GALNT9: variants seen among roughly 807,000 people sequenced by gnomAD.
The protein encoded by GALNT9 is polypeptide N-acetylgalactosaminyltransferase 9.
Under a neutral mutation model 63.1 loss-of-function variants are expected in GALNT9, and 47 were observed. That is an observed-to-expected ratio of 0.75 (90% CI 0.59 to 0.95). The LOEUF (loss-of-function observed/expected upper bound fraction) is 0.95. GALNT9 is among the 40% of genes least tolerant of loss of function. The pLI, the probability that GALNT9 is intolerant of heterozygous loss-of-function variation, is 0.00. For synonymous variants in GALNT9, 396 were observed against 365.7 expected, an observed-to-expected ratio of 1.08 and a Z score of -0.94; for missense variants, 829 against 874.8, an observed-to-expected ratio of 0.95 and a Z score of 0.66.
chr12:132,203,818 C>T (rs922675620), intron 6 of GALNT9, 128 bp from the exon 7 acceptor site: 9 of 952,698 alleles, frequency 9.4e-6, no homozygotes, highest in Non-Finnish European at 1.4e-5. Flanking sequence ...CACCGACGGG[C>T]CTGGTGGGTC....
At chr12:132,229,262 G>A (rs1362833211) in intron 6 of GALNT9, among the ~76,000 whole-genome samples, 1 of 152,208 alleles carries the variant, frequency 6.6e-6, no homozygotes, top group Non-Finnish European at 1.5e-5. Flanking sequence ...CACCGCAGGT[G>A]GAGCCCACGC....
intron 6 of GALNT9, chr12:132,247,419 C>G (rs907314472): frequency 1.1e-5 from 4 of 352,806 alleles, no homozygotes; most frequent in Non-Finnish European, 2.3e-5. Context: ...TCTAGCAAGA[C>G]TCAGGGTAGC....
In GALNT9 at chr12:132,252,088, G is replaced by A. The variant is rs1410207163; in HGVS notation, c.960-4061C>T. ...CCCAGCGTCTGTCTGGGAGAAAGGA[G>A]CAGGGGAGCAGGAAGAGGACTAGAA... On this transcript the variant is annotated intron_variant, in intron 5 of 10. Transcript: ENST00000328957. The surrounding 1 kb of genome is among the most constrained non-coding windows in gnomAD (Gnocchi z 5.2). 6.6e-6 allele frequency among the ~76,000 whole-genome samples: 1 copy of A among 152,234 alleles called. No individual in the cohort carries two copies. Among genetic ancestry groups the A allele is most frequent in the Non-Finnish European group, 1.5e-5 (1 of 68,042 alleles).
intron 5 of GALNT9, 78 bp from the exon 6 acceptor site, chr12:132,248,105 G>T (rs1555238257): frequency 9.4e-6 from 14 of 1,487,844 alleles, no homozygotes; most frequent in African/African-American, 1.4e-5. Flanking sequence ...AGCCAGGAAA[G>T]CCTGGAAGAC....
intron 1 of GALNT9, among the ~76,000 whole-genome samples, chr12:132,301,328 T>G (rs1881288368): frequency 1.3e-5 from 2 of 152,246 alleles, no homozygotes; most frequent in African/African-American, 4.8e-5. Flanking sequence ...TGACAGTGCC[T>G]GCCTGGCCTT....
chr12:132,281,500 A>C (rs1378897657), intron 2 of GALNT9, among the ~76,000 whole-genome samples: 4 of 152,174 alleles, frequency 2.6e-5, no homozygotes, highest in Admixed American at 2.6e-4. Context: ...ATCTATATAA[A>C]ATTCACATTC....
At position 132,308,120 on chromosome 12, in the gene GALNT9, G is replaced by A. The variant is rs189209213; in HGVS notation, c.238+20846C>T. 1.7e-4 allele frequency among the ~76,000 whole-genome samples: 26 copies of A among 152,292 alleles called. 1 individual carries two copies. The highest frequency in any genetic ancestry group is 3.9e-4 in the Admixed American group (6 of 15,296). ...CACAGACAGAAGAGGAAACAGCTGC[G>A]TGTGACGGAGGCAGAGGGTGCAGCA... On this transcript the variant is annotated intron_variant, in intron 1 of 10. Transcript: ENST00000328957.
At chr12:132,254,946 T>C (rs1287587030) in intron 5 of GALNT9, among the ~76,000 whole-genome samples, 3 of 152,186 alleles carry the variant, frequency 2.0e-5, no homozygotes, top group African/African-American at 7.2e-5. Flanking sequence ...CTTCAGTTCA[T>C]CATGACTGAG....
At chr12:132,224,940 C>T (rs1183951586) in intron 6 of GALNT9, among the ~76,000 whole-genome samples, 1 of 149,630 alleles carries the variant, frequency 6.7e-6, no homozygotes, top group African/African-American at 2.5e-5. Flanking sequence ...AAACACAACC[C>T]ACACCCCACA....
intron 1 of GALNT9, among the ~76,000 whole-genome samples, chr12:132,313,963 C>A (rs1555245483): frequency 1.7e-5 from 2 of 120,400 alleles, no homozygotes; most frequent in African/African-American, 3.2e-5. Flanking sequence ...TCCATCCACC[C>A]ATCCATCCAC....
intron 6 of GALNT9, among the ~76,000 whole-genome samples, chr12:132,229,611 G>C (rs1877820988): frequency 6.6e-6 from 1 of 152,246 alleles, no homozygotes; most frequent in Non-Finnish European, 1.5e-5. Context: ...GGCTGGGAGA[G>C]AGGCCGCCTG....
intron 1 of GALNT9, among the ~76,000 whole-genome samples, chr12:132,326,500 A>G (rs1389944220): frequency 6.6e-6 from 1 of 152,188 alleles, no homozygotes; most frequent in Admixed American, 6.5e-5. Flanking sequence ...CCACTGGACC[A>G]GCGGAGGCAG....
At position 132,286,622 on chromosome 12, in the gene GALNT9, G is replaced by C. The variant is rs181333759; in HGVS notation, c.239-192C>G. Among the ~76,000 whole-genome samples, 1 of 152,220 alleles carries C rather than the reference G, an allele frequency of 6.6e-6. No individual in the cohort carries two copies. Among genetic ancestry groups the C allele is most frequent in the Non-Finnish European group, 1.5e-5 (1 of 68,034 alleles). On this transcript the variant is annotated intron_variant, in intron 1 of 10. Transcript: ENST00000328957. This position sits in a 1 kb window ranked among gnomAD's most constrained non-coding sequence, Gnocchi z 7.4. ...AAGGCTGTGCGCGGAGTGAGAGGGC[G>C]GTGCCAGGCGGAAGAGGGAGGGATG...
chr12:132,288,989 CTCTT>C (rs1299682772), intron 1 of GALNT9, among the ~76,000 whole-genome samples: 2 of 152,212 alleles, frequency 1.3e-5, no homozygotes, highest in Non-Finnish European at 2.9e-5. Context: ...CAGCAGGACC[CTCTT>C]TCTTATTCAG....
intron 5 of GALNT9, among the ~76,000 whole-genome samples, chr12:132,253,588 A>G (rs1879005531): frequency 2.6e-5 from 4 of 152,230 alleles, no homozygotes; most frequent in Admixed American, 6.5e-5. Flanking sequence ...TATAATAATG[A>G]TTGATAATTG....
rs192031631 is a variant in GALNT9, at chr12:132,300,088, G to T, written c.239-13658C>A. Among the ~76,000 whole-genome samples, 437 of 134,366 alleles carry T rather than the reference G, an allele frequency of 3.3e-3. 9 individuals are homozygous for T. The highest frequency in any genetic ancestry group is 4.5e-3 in the Non-Finnish European group (291 of 65,210). 88.1% of individuals were successfully genotyped at this position (134,366 alleles called of 152,430 possible). ...CCTGAGATGACCAGCCCACTCCTGA[G>T]ATAACTCACTCCCATGATAACTAAC... On this transcript the variant is annotated intron_variant, in intron 1 of 10. Coordinates refer to ENST00000328957, the MANE Select transcript of GALNT9 (RefSeq NM_001122636.2).
In GALNT9 at chr12:132,252,917, C is replaced by T. The variant is rs1330494042; in HGVS notation, c.959+4772G>A. On this transcript the variant is annotated intron_variant, in intron 5 of 10. Coordinates refer to ENST00000328957, the MANE Select transcript of GALNT9 (RefSeq NM_001122636.2). The surrounding 1 kb of genome is among the most constrained non-coding windows in gnomAD (Gnocchi z 5.2). ...AAAGACACGGAGACCAGTAGTGGCC[C>T]CGAACGGCTGGGTGCGCTGATATTT... 2.6e-5 allele frequency among the ~76,000 whole-genome samples: 4 copies of T among 151,276 alleles called. No individual in the cohort carries two copies. The highest frequency in any genetic ancestry group is 9.7e-5 in the African/African-American group (4 of 41,212).
chr12:132,274,383 A>T (rs1453589131), intron 2 of GALNT9: 1 of 146,942 alleles, frequency 6.8e-6, no homozygotes. Context: ...CAAGAGGCTC[A>T]CCCCGTGCTC....
chr12:132,263,573 C>T (rs1196695218), intron 2 of GALNT9, among the ~76,000 whole-genome samples: 3 of 152,194 alleles, frequency 2.0e-5, no homozygotes, highest in Non-Finnish European at 1.5e-5. Context: ...GCCCCCCTCA[C>T]CGTCCTCAAG....
Sources: allele counts gnomAD v4.1 joint callset (sites outside exome capture counted in the v4.1 genomes callset), GRCh38; gene constraint gnomAD v4.1.1; non-coding constraint Gnocchi (gnomAD v3.1); transcripts MANE v1.5; gene names NCBI Gene and HGNC (gene_info 2026-07-23, HGNC 2026-07-21).